DDX60L: variants seen among roughly 807,000 people sequenced by gnomAD.
DDX60L encodes the protein DExD/H-box 60 like.
A neutral mutation model predicts 211.6 loss-of-function variants in DDX60L; 191 were observed. That is an observed-to-expected ratio of 0.90 (90% CI 0.80 to 1.02). The LOEUF is 1.02. DDX60L is among the 50% of genes least tolerant of loss of function. The pLI is 0.00. For missense variants in DDX60L, 2,007 were observed against 1,984.1 expected (o/e 1.01, Z -0.22); for synonymous variants, 706 against 694.1 (o/e 1.02, Z -0.27).
chr4:168,411,725 C>G (rs533580914), intron 22 of DDX60L, among the ~76,000 whole-genome samples: 51 of 152,234 alleles, frequency 3.4e-4, no homozygotes, highest in African/African-American at 1.1e-3. Flanking sequence ...AGCCTATGGA[C>G]TTGGGGTGTA....
chr4:168,471,732 AT>A lies in DDX60L; in HGVS notation c.264+14del, dbSNP rs1401072949. The A allele has an allele frequency of 6.4e-7, 1 of 1,572,308 alleles. No individual in the cohort carries two copies. The highest frequency in any genetic ancestry group is 8.6e-7 in the Non-Finnish European group (1 of 1,164,986). On this transcript the variant is annotated intron_variant, in intron 4 of 37. Coordinates refer to ENST00000682922, the MANE Select transcript of DDX60L (RefSeq NM_001012967.3). The stretch of plus-strand genomic sequence containing the variant: ...TCTTCAAAGGACTAAAACGACATCA[AT>A]CATCATATATTACCTTAAAGAAAAC...
chr4:168,429,822 AG>A (rs1752060691), intron 13 of DDX60L, among the ~76,000 whole-genome samples: 1 of 152,168 alleles, frequency 6.6e-6, no homozygotes, highest in Non-Finnish European at 1.5e-5. Context: ...GTTGTTTAAA[AG>A]TATGTAGCAC....
intron 29 of DDX60L, chr4:168,390,364 C>A: frequency 8.5e-7 from 1 of 1,177,986 alleles, no homozygotes; most frequent in Non-Finnish European, 1.0e-6. Flanking sequence ...TTTTTCATAA[C>A]AGAACATGGT....
chr4:168,382,196 C>T (rs1052691680), intron 30 of DDX60L, among the ~76,000 whole-genome samples: 1 of 152,128 alleles, frequency 6.6e-6, no homozygotes, highest in Non-Finnish European at 1.5e-5. Context: ...GGTTACATCC[C>T]CCAAAATTGT....
chr4:168,479,422 T>C (rs970262674), intron 1 of DDX60L, among the ~76,000 whole-genome samples: 2 of 152,182 alleles, frequency 1.3e-5, no homozygotes, highest in African/African-American at 2.4e-5. Flanking sequence ...TCGTTGATGT[T>C]ATGGTTTGGA....
At chr4:168,361,298 G>A (rs1316588971) in intron 36 of DDX60L, 87 bp from the exon 37 acceptor site, 1 of 839,372 alleles carries the variant, frequency 1.2e-6, no homozygotes, top group Non-Finnish European at 1.9e-6. Flanking sequence ...GTCTGTCCAT[G>A]GCAGTTAATT....
intron 35 of DDX60L, among the ~76,000 whole-genome samples, chr4:168,373,078 G>A (rs181594645): frequency 8.5e-5 from 13 of 152,136 alleles, no homozygotes; most frequent in Admixed American, 1.3e-4. Context: ...TCCTTTAAAC[G>A]TTACATATGC....
chr4:168,479,350 C>A (rs1760071172), intron 1 of DDX60L, among the ~76,000 whole-genome samples: 1 of 152,174 alleles, frequency 6.6e-6, no homozygotes, highest in Non-Finnish European at 1.5e-5. Flanking sequence ...AACTGCAAAT[C>A]TTAGATTGAA....
At chr4:168,396,987 A>G (rs4692929) in intron 26 of DDX60L, among the ~76,000 whole-genome samples, 138,014 of 152,188 alleles carry the variant, frequency 0.91, 63,766 homozygotes, top group Non-Finnish European at 1. Flanking sequence ...TGGGGTCTTT[A>G]GGAGGTGATT....
intron 14 of DDX60L, among the ~76,000 whole-genome samples, chr4:168,426,822 TC>T (rs1024292668): frequency 5.9e-5 from 9 of 152,338 alleles, no homozygotes; most frequent in African/African-American, 2.2e-4. Flanking sequence ...AAGAGTTTTT[TC>T]TTTATACTCT....
intron 13 of DDX60L, among the ~76,000 whole-genome samples, chr4:168,427,763 A>G (rs1178681489): frequency 6.6e-6 from 1 of 152,210 alleles, no homozygotes; most frequent in Non-Finnish European, 1.5e-5. Context: ...CAACGGTCTA[A>G]GCAGACATTA....
In DDX60L at chr4:168,371,670, C is replaced by T. The variant is rs1310726124; in HGVS notation, c.4870G>A (p.Ala1624Thr). 6.2e-7 allele frequency: 1 copy of T among 1,601,184 alleles called. No individual in the cohort carries two copies. The highest frequency in any genetic ancestry group is 2.3e-5 in the East Asian group (1 of 44,316). Reference sequence around the variant, plus strand: ...TGTTTATAGAAATTGAGCACATATGCATTTAGTGGCATTCTCCTTCCTCGG... The same window carrying T: ...TGTTTATAGAAATTGAGCACATATGTATTTAGTGGCATTCTCCTTCCTCGG... The part of the protein sequence containing the change: ...DNRGRRMPLN[A>T]YVLNFYKHNC... Residue 1624 changes from alanine to threonine, a missense_variant, in exon 36 of 38, where the codon GCA becomes ACA. Ala to Thr is a moderately conservative substitution (Grantham distance 58). Transcript: ENST00000682922.
intron 5 of DDX60L, among the ~76,000 whole-genome samples, chr4:168,460,691 T>C (rs538866005): frequency 3.6e-4 from 54 of 151,948 alleles, no homozygotes; most frequent in African/African-American, 1.2e-3. Flanking sequence ...CTGGGTGCCA[T>C]ATAATTTAAT....
intron 1 of DDX60L, among the ~76,000 whole-genome samples, chr4:168,479,760 A>G (rs1488026476): frequency 1.5e-5 from 2 of 131,262 alleles, no homozygotes; most frequent in East Asian, 2.0e-4. Context: ...CGAGGTCAGG[A>G]GATCGAGACC....
chr4:168,429,270 G>A (rs1218864057), intron 13 of DDX60L, among the ~76,000 whole-genome samples: 1 of 151,976 alleles, frequency 6.6e-6, no homozygotes, highest in African/African-American at 2.4e-5. Context: ...TCAGCCTCCT[G>A]AGTAGCTGGG....
chr4:168,443,539 A>AT (rs1245934668), intron 9 of DDX60L, among the ~76,000 whole-genome samples: 2 of 151,980 alleles, frequency 1.3e-5, no homozygotes, highest in Non-Finnish European at 2.9e-5. Flanking sequence ...CCAAAAAGAT[A>AT]CTCCTCGAGA....
chr4:168,399,893 C>A (rs145646613), intron 26 of DDX60L, among the ~76,000 whole-genome samples: 188 of 152,244 alleles, frequency 1.2e-3, no homozygotes, highest in Non-Finnish European at 2.2e-3. Context: ...GGTACATGTG[C>A]AGATTTGTTA....
At chr4:168,435,150 T>C (rs1752866582) in intron 10 of DDX60L, among the ~76,000 whole-genome samples, 1 of 152,208 alleles carries the variant, frequency 6.6e-6, no homozygotes, top group Admixed American at 6.5e-5. Flanking sequence ...TGATGAAGTT[T>C]TCTCTCAAGT....
intron 30 of DDX60L, 70 bp downstream of exon 30, chr4:168,384,542 A>G (rs996436012): frequency 1.1e-5 from 18 of 1,576,612 alleles, no homozygotes; most frequent in Non-Finnish European, 1.4e-5. Context: ...GACTTCTAAA[A>G]GAGCAGCAGA....
Sources: gnomAD v4.1 joint callset for allele counts (sites outside exome capture counted in the v4.1 genomes callset) on GRCh38, gnomAD v4.1.1 for gene constraint, MANE v1.5 for transcripts, NCBI Gene and HGNC (gene_info 2026-07-23, HGNC 2026-07-21) for gene names.